Variants in PAK5 observed in about 807,000 individuals in gnomAD.
The protein encoded by PAK5 is p21 (RAC1) activated kinase 5.
PAK5 carries 16 observed loss-of-function variants against 65.9 expected under a neutral mutation model. The ratio of observed to expected loss-of-function variants is 0.24; its 90% CI spans 0.16 to 0.37. The LOEUF is 0.37. Among genes scored for constraint, PAK5 ranks in the 10% least tolerant of loss-of-function variants. The pLI is 1.00. For missense variants in PAK5, 785 were observed against 903.9 expected (o/e 0.87, Z 1.69); for synonymous variants, 371 against 354.9 (o/e 1.05, Z -0.51).
intron 2 of PAK5, among the ~76,000 whole-genome samples, chr20:9,697,414 A>C (rs546110013): frequency 6.6e-6 from 1 of 152,104 alleles, no homozygotes; most frequent in Admixed American, 6.6e-5. Flanking sequence ...AATATCTCCA[A>C]ATATGCTATT....
intron 2 of PAK5, among the ~76,000 whole-genome samples, chr20:9,681,560 A>G (rs1413614969): frequency 6.6e-6 from 1 of 151,994 alleles, no homozygotes; most frequent in Non-Finnish European, 1.5e-5. Context: ...TTTTCTTTGA[A>G]TAATATCCCT....
chr20:9,605,470 C>T (rs1424033409), intron 3 of PAK5, among the ~76,000 whole-genome samples: 1 of 152,174 alleles, frequency 6.6e-6, no homozygotes, highest in African/African-American at 2.4e-5. Flanking sequence ...CTTATGCGAA[C>T]TATGGAAACC....
chr20:9,722,228 G>A (rs1368550062), intron 1 of PAK5, among the ~76,000 whole-genome samples: 1 of 152,132 alleles, frequency 6.6e-6, no homozygotes, highest in African/African-American at 2.4e-5. Context: ...CCAGGCCAGG[G>A]AGTTAGCATG....
At chr20:9,774,072 T>C (rs2048861984) in intron 1 of PAK5, among the ~76,000 whole-genome samples, 1 of 152,202 alleles carries the variant, frequency 6.6e-6, no homozygotes, top group African/African-American at 2.4e-5. Flanking sequence ...CAGACCCGCT[T>C]ACTATGGTAA....
At chr20:9,695,022 A>T (rs148010131) in intron 2 of PAK5, among the ~76,000 whole-genome samples, 11 of 152,132 alleles carry the variant, frequency 7.2e-5, no homozygotes, top group Non-Finnish European at 1.2e-4. Flanking sequence ...ATAGCTTAAG[A>T]GTTGCTCCAC....
chr20:9,587,164 A>C (rs1172838163), intron 3 of PAK5, among the ~76,000 whole-genome samples: 1 of 152,142 alleles, frequency 6.6e-6, no homozygotes, highest in Non-Finnish European at 1.5e-5. Flanking sequence ...GGTAAATTTT[A>C]CTTTTAAATT....
At chr20:9,635,755 A>G (rs1398141419) in intron 3 of PAK5, among the ~76,000 whole-genome samples, 2 of 152,184 alleles carry the variant, frequency 1.3e-5, no homozygotes, top group Non-Finnish European at 2.9e-5. Context: ...ATTTTAGCAG[A>G]AGCAGGTCTA....
At chr20:9,782,312 C>T (rs2048949188) in intron 1 of PAK5, among the ~76,000 whole-genome samples, 1 of 152,116 alleles carries the variant, frequency 6.6e-6, no homozygotes, top group African/African-American at 2.4e-5. Context: ...AAACCCCTCC[C>T]ACCACTATAC....
intron 2 of PAK5, among the ~76,000 whole-genome samples, chr20:9,686,259 C>T (rs1439730427): frequency 6.6e-6 from 1 of 152,132 alleles, no homozygotes; most frequent in Non-Finnish European, 1.5e-5. Flanking sequence ...CCATGTGGAC[C>T]ATTTGACAGA....
intron 2 of PAK5, among the ~76,000 whole-genome samples, chr20:9,679,439 A>G (rs2047620228): frequency 6.6e-6 from 1 of 152,180 alleles, no homozygotes; most frequent in Non-Finnish European, 1.5e-5. Context: ...TACATGCCTT[A>G]TCTTCAATCT....
intron 1 of PAK5, among the ~76,000 whole-genome samples, chr20:9,737,511 AAGG>A (rs1425003055): frequency 6.6e-6 from 1 of 152,176 alleles, no homozygotes; most frequent in Non-Finnish European, 1.5e-5. Context: ...ACAGAACTAC[AAGG>A]AGAACTAGAC....
At chr20:9,556,456 T>C (rs1283778513) in intron 7 of PAK5, among the ~76,000 whole-genome samples, 1 of 152,218 alleles carries the variant, frequency 6.6e-6, no homozygotes, top group Non-Finnish European at 1.5e-5. Context: ...CAATTTCTGA[T>C]ATGACATGAA....
intron 3 of PAK5, among the ~76,000 whole-genome samples, chr20:9,584,301 CTTATT>C (rs558325690): frequency 2.0e-5 from 3 of 151,990 alleles, no homozygotes; most frequent in Admixed American, 6.6e-5. Flanking sequence ...CTGTTTACCA[CTTATT>C]TTATTTTATT....
intron 7 of PAK5, 125 bp from the exon 8 acceptor site, chr20:9,544,619 C>G (rs1568953959): frequency 1.2e-6 from 1 of 830,510 alleles, no homozygotes; most frequent in Non-Finnish European, 2.0e-6. Context: ...TTGGACATAT[C>G]AGAGGAGGGA....
chr20:9,710,438 G>A (rs2048064127), intron 2 of PAK5, among the ~76,000 whole-genome samples: 1 of 152,132 alleles, frequency 6.6e-6, no homozygotes, highest in Non-Finnish European at 1.5e-5. Flanking sequence ...GTATTAAAAC[G>A]CAAATAGACA....
intron 1 of PAK5, among the ~76,000 whole-genome samples, chr20:9,768,587 A>G (rs1600350119): frequency 1.3e-5 from 2 of 152,290 alleles, no homozygotes; most frequent in Middle Eastern, 6.8e-3. Context: ...GTTCTCAACC[A>G]GCCTGGCCAA....
At chr20:9,641,027 C>G (rs8123248) in intron 3 of PAK5, among the ~76,000 whole-genome samples, 46,502 of 152,066 alleles carry the variant, frequency 0.31, 7,374 homozygotes, top group East Asian at 0.42. Flanking sequence ...CTGGCCCCAC[C>G]CACATCCTGC....
chr20:9,740,215 A>G (rs2048436220), intron 1 of PAK5, among the ~76,000 whole-genome samples: 1 of 152,156 alleles, frequency 6.6e-6, no homozygotes, highest in South Asian at 2.1e-4. Context: ...GGCAGAGAAC[A>G]AGGTGCTCGC....
At chr20:9,540,512 T>C (rs2045244200) in intron 9 of PAK5, among the ~76,000 whole-genome samples, 2 of 152,240 alleles carry the variant, frequency 1.3e-5, no homozygotes, top group Admixed American at 1.3e-4. Flanking sequence ...CAGTGTTGTA[T>C]CTGTGAGATT....
Sources: allele counts gnomAD v4.1 joint callset (sites outside exome capture counted in the v4.1 genomes callset), GRCh38; gene constraint gnomAD v4.1.1; transcripts MANE v1.5; gene names NCBI Gene and HGNC (gene_info 2026-07-23, HGNC 2026-07-21).